CAMKMT: variants seen among roughly 807,000 people sequenced by gnomAD.
CAMKMT encodes CaM KMT.
CAMKMT carries 53 observed loss-of-function variants against 48.0 expected under a neutral mutation model. The ratio of observed to expected loss-of-function variants is 1.10; its 90% CI spans 0.89 to 1.39. The LOEUF (loss-of-function observed/expected upper bound fraction) is 1.39. CAMKMT is among the 40% of genes most tolerant of loss of function. CAMKMT has a pLI of 0.00. For missense variants in CAMKMT, 428 were observed against 402.7 expected, an observed-to-expected ratio of 1.06 and a Z score of -0.54; for synonymous variants, 165 against 152.3, an observed-to-expected ratio of 1.08 and a Z score of -0.61.
intron 8 of CAMKMT, among the ~76,000 whole-genome samples, chr2:44,749,153 A>G (rs913146327): frequency 7.9e-5 from 12 of 152,194 alleles, no homozygotes; most frequent in African/African-American, 2.9e-4. Context: ...CCCATTGCTC[A>G]AAGTGACCTT....
intron 3 of CAMKMT, among the ~76,000 whole-genome samples, chr2:44,612,343 T>G (rs537569988): frequency 8.1e-4 from 123 of 152,294 alleles, no homozygotes; most frequent in African/African-American, 2.8e-3. Context: ...AAATTTTCAG[T>G]ATCTCCCTGC....
intron 3 of CAMKMT, among the ~76,000 whole-genome samples, chr2:44,690,615 C>T (rs1337384290): frequency 1.3e-5 from 2 of 152,126 alleles, no homozygotes; most frequent in Non-Finnish European, 2.9e-5. Flanking sequence ...TAAATGTGAT[C>T]ATCCATGTAA....
At chr2:44,553,500 A>G (rs1217860265) in intron 3 of CAMKMT, among the ~76,000 whole-genome samples, 4 of 151,990 alleles carry the variant, frequency 2.6e-5, no homozygotes, top group Non-Finnish European at 4.4e-5. Context: ...AGCTGCGACT[A>G]TAGGCATGGG....
intron 3 of CAMKMT, among the ~76,000 whole-genome samples, chr2:44,406,050 A>G (rs954671467): frequency 6.6e-6 from 1 of 152,220 alleles, no homozygotes; most frequent in Non-Finnish European, 1.5e-5. Flanking sequence ...GTATCTAGTT[A>G]TATCAGTTAG....
chr2:44,594,143 A>T (rs1030202366), intron 3 of CAMKMT, among the ~76,000 whole-genome samples: 3 of 152,170 alleles, frequency 2.0e-5, no homozygotes, highest in Non-Finnish European at 4.4e-5. Flanking sequence ...ACTACAAATC[A>T]CTGCTCAAGG....
intron 3 of CAMKMT, among the ~76,000 whole-genome samples, chr2:44,583,495 A>G (rs943807863): frequency 1.3e-5 from 2 of 152,168 alleles, no homozygotes; most frequent in East Asian, 3.8e-4. Context: ...AATTTTTTGC[A>G]CTTAAAAATA....
intron 2 of CAMKMT, among the ~76,000 whole-genome samples, chr2:44,380,223 CTTTAGGT>C (rs1399805241): frequency 1.3e-5 from 2 of 151,990 alleles, no homozygotes; most frequent in African/African-American, 4.8e-5. Context: ...TCTAGGATAG[CTTTAGGT>C]GCTTGTGAAA....
chr2:44,718,981 T>A (rs1050056816), intron 7 of CAMKMT, among the ~76,000 whole-genome samples: 2 of 152,200 alleles, frequency 1.3e-5, no homozygotes, highest in African/African-American at 4.8e-5. Flanking sequence ...AGACTCAGTT[T>A]CCTTTAGAGG....
chr2:44,458,029 T>C (rs1246404609), intron 3 of CAMKMT, among the ~76,000 whole-genome samples: 2 of 149,886 alleles, frequency 1.3e-5, no homozygotes, highest in Non-Finnish European at 3.0e-5. Flanking sequence ...ATTAGGACTT[T>C]GTAGCTTTGT....
At chr2:44,757,761 C>T (rs375907340) in intron 9 of CAMKMT, among the ~76,000 whole-genome samples, 4 of 152,168 alleles carry the variant, frequency 2.6e-5, no homozygotes, top group African/African-American at 4.8e-5. Flanking sequence ...TGGGGTTTCA[C>T]CTATGTTGAT....
At chr2:44,766,259 A>T (rs544993589) in intron 9 of CAMKMT, among the ~76,000 whole-genome samples, 171 bp from the exon 10 acceptor site, 5 of 152,242 alleles carry the variant, frequency 3.3e-5, no homozygotes, top group African/African-American at 9.6e-5. Flanking sequence ...TATATGATAT[A>T]CATCTCTCCT....
chr2:44,402,327 TAAAAAAA>T (rs61683632), intron 3 of CAMKMT, among the ~76,000 whole-genome samples: 4 of 116,436 alleles, frequency 3.4e-5, no homozygotes, highest in African/African-American at 1.3e-4. Context: ...AGACTCTGTC[TAAAAAAA>T]AAAAAAAAAA....
At chr2:44,373,072 C>G (rs992605250) in intron 2 of CAMKMT, among the ~76,000 whole-genome samples, 184 bp downstream of exon 2, 15 of 152,106 alleles carry the variant, frequency 9.9e-5, no homozygotes, top group African/African-American at 3.1e-4. Flanking sequence ...TATTATCAGA[C>G]TAAAGGAAAC....
intron 3 of CAMKMT, chr2:44,457,052 T>C (rs2104607215): frequency 6.5e-6 from 1 of 154,470 alleles, no homozygotes; most frequent in South Asian, 2.0e-4. Context: ...TAAGTATATA[T>C]ATTTTGAATA....
chr2:44,727,316 C>G (rs988788811), intron 7 of CAMKMT, among the ~76,000 whole-genome samples: 1 of 152,114 alleles, frequency 6.6e-6, no homozygotes, highest in African/African-American at 2.4e-5. Flanking sequence ...TTATAGTTCT[C>G]CTTGCAGAGA....
intron 7 of CAMKMT, among the ~76,000 whole-genome samples, chr2:44,733,024 C>T (rs187539845): frequency 6.6e-6 from 1 of 152,266 alleles, no homozygotes; most frequent in Admixed American, 6.5e-5. Context: ...AGATTTTCTC[C>T]TGCATTTTCA....
chr2:44,765,518 T>G (rs1455198618), intron 9 of CAMKMT, among the ~76,000 whole-genome samples: 1 of 131,560 alleles, frequency 7.6e-6, no homozygotes, highest in Non-Finnish European at 1.6e-5. Flanking sequence ...ATAGCCATCT[T>G]TATTTTTTTT....
intron 3 of CAMKMT, among the ~76,000 whole-genome samples, chr2:44,580,758 A>G (rs1452456132): frequency 1.3e-5 from 2 of 152,236 alleles, no homozygotes; most frequent in Admixed American, 1.3e-4. Flanking sequence ...CAATAGAAAC[A>G]ACATTTACAC....
chr2:44,736,128 C>T (rs1415497478), intron 7 of CAMKMT, among the ~76,000 whole-genome samples: 2 of 152,280 alleles, frequency 1.3e-5, no homozygotes, highest in Non-Finnish European at 2.9e-5. Context: ...CTGATTCCTT[C>T]ATGTACATTT....
Sources: allele counts gnomAD v4.1 joint callset (sites outside exome capture counted in the v4.1 genomes callset), GRCh38; gene constraint gnomAD v4.1.1; transcripts MANE v1.5; gene names NCBI Gene and HGNC (gene_info 2026-07-23, HGNC 2026-07-21).